WDR6: variants seen among roughly 807,000 people sequenced by gnomAD.
The protein encoded by WDR6 is WD repeat domain 6, also known as tRNA (34-2'-O)-methyltransferase regulator WDR6.
WDR6 carries 58 observed loss-of-function variants against 85.6 expected under a neutral mutation model. The observed-to-expected ratio is 0.68, with a 90% CI of 0.55 to 0.84. The LOEUF (loss-of-function observed/expected upper bound fraction) is 0.84, where lower values mean the gene tolerates loss of function less well. Ranked by LOEUF, WDR6 falls within the 40% of genes least tolerant of loss-of-function variation. WDR6 has a pLI of 0.00. For synonymous variants in WDR6, 569 were observed against 582.2 expected, an observed-to-expected ratio of 0.98 and a Z score of 0.33; for missense variants, 1,310 against 1,476.4, an observed-to-expected ratio of 0.89 and a Z score of 1.85.
In WDR6 at chr3:49,013,066, G is replaced by A. The variant is rs142520902; in HGVS notation, c.1532G>A (p.Arg511His). The change falls in exon 2 of 6, where the codon CGC becomes CAC. Residue 511 changes from arginine to histidine, a missense_variant. Transcript: ENST00000608424. This position sits in a 1 kb window ranked among gnomAD's most constrained non-coding sequence, Gnocchi z 4.6. ...GGTGACTTCCTGGTGTGTGGTGACC[G>A]CCGGGGCTCTGTGCTGCTATTCCCC... ...PPGDFLVCGDRRGSVLLFPSR... is the reference protein window; with the variant it reads ...PPGDFLVCGDHRGSVLLFPSR... The A allele has an allele frequency of 1.2e-3, 1,861 of 1,611,228 alleles. 9 individuals are homozygous for A. Among genetic ancestry groups the A allele is most frequent in the Middle Eastern group, 8.1e-3 (49 of 6,050 alleles).
In WDR6 at chr3:49,015,244, G is replaced by T; in HGVS notation, c.3322G>T (p.Ala1108Ser). 6.2e-7 allele frequency: 1 copy of T among 1,613,096 alleles called. No individual in the cohort carries two copies. The change falls in exon 6 of 6, where the codon GCC becomes TCC. Residue 1108 changes from alanine (A) to serine (S), a missense_variant. Transcript: ENST00000608424. The part of the protein sequence containing the change: ...PVSPEFGHRC[A>S]LGGQGLEVYN... ...GAGCCCTGAGTTTGGCCACCGTTGT[G>T]CCCTTGGGGGTCAGGGGCTTGAGGT...
Position 49,015,242 on chromosome 3 carries a change from G to C in WDR6, c.3320G>C (p.Cys1107Ser). Reference protein sequence around the residue: ...WPVSPEFGHRCALGGQGLEVY... With the variant: ...WPVSPEFGHRSALGGQGLEVY... Reference sequence around the variant, plus strand: ...GTGAGCCCTGAGTTTGGCCACCGTTGTGCCCTTGGGGGTCAGGGGCTTGAG... The same window carrying C: ...GTGAGCCCTGAGTTTGGCCACCGTTCTGCCCTTGGGGGTCAGGGGCTTGAG... The change falls in exon 6 of 6, where the codon TGT becomes TCT. Residue 1107 changes from cysteine to serine, a missense_variant. Transcript: ENST00000608424. 1 of 1,613,218 alleles carries C rather than the reference G, an allele frequency of 6.2e-7. No homozygotes were observed. Among genetic ancestry groups the C allele is most frequent in the South Asian group, 1.1e-5 (1 of 91,086 alleles).
chr3:49,014,411 AT>A lies in WDR6; in HGVS notation c.2697del (p.Leu900CysfsTer51). On this transcript the variant is annotated frameshift_variant, in exon 4 of 6. Transcript: ENST00000608424. LOFTEE classifies it high-confidence loss of function. This position sits in a 1 kb window ranked among gnomAD's most constrained non-coding sequence, Gnocchi z 4.9. The part of the protein sequence containing the change: ...RLFLLQDSGR[I>X]LQLLAETFHH... ...CTTTCTTTTGCAGGATTCTGGGCGG[AT>A]TCTGCAGCTCCTTGCTGAAACCTTC... The A allele has an allele frequency of 6.2e-7, 1 of 1,613,988 alleles. No individual in the cohort carries two copies.
rs1275031356 is a variant in WDR6 at position 49,014,475 on chromosome 3, C to T, written c.2759C>T (p.Thr920Ile). Reference sequence around the variant, plus strand: ...TGTGTCCTCAAGGTCCACTCCTTTACACACGAGGCACCCAACCAGAGGCGG... The same window carrying T: ...TGTGTCCTCAAGGTCCACTCCTTTATACACGAGGCACCCAACCAGAGGCGG... ...KRCVLKVHSFTHEAPNQRRRL... is the reference protein window; with the variant it reads ...KRCVLKVHSFIHEAPNQRRRL... The change falls in exon 4 of 6, where the codon ACA (threonine) becomes ATA (isoleucine). Residue 920 changes from threonine to isoleucine, a missense_variant. By Grantham distance (89) the Thr-to-Ile change is moderately conservative. Coordinates refer to ENST00000608424, the MANE Select transcript of WDR6 (RefSeq NM_018031.6). The surrounding 1 kb of genome is among the most constrained non-coding windows in gnomAD (Gnocchi z 4.9). 3 of 1,614,138 alleles carry T rather than the reference C, an allele frequency of 1.9e-6. No individual in the cohort carries two copies.
At position 49,014,364 on chromosome 3, in the gene WDR6, G is replaced by A; in HGVS notation, c.2667-19G>A. 1.2e-6 allele frequency: 2 copies of A among 1,614,064 alleles called. No homozygotes were observed. The highest frequency in any genetic ancestry group is 4.5e-5 in the East Asian group (2 of 44,880). ...TTGTCTAGGATGCGTTCTGAGCTGG[G>A]CCACCCCCCGCCCCCCAGGCTCTTT... On this transcript the variant is annotated intron_variant, in intron 3 of 5. Coordinates refer to ENST00000608424, the MANE Select transcript of WDR6 (RefSeq NM_018031.6). The surrounding 1 kb of genome is among the most constrained non-coding windows in gnomAD (Gnocchi z 4.9).
Position 49,013,577 on chromosome 3 carries a change from G to A in WDR6, c.2043G>A (p.Leu681=), listed in dbSNP as rs1230856413. Reference sequence around the variant, plus strand: ...ACCTCAAGGATGGGGATGTCATGCTGTACAGGGCTCTGGGTGGCTGCACCC... The same window carrying A: ...ACCTCAAGGATGGGGATGTCATGCTATACAGGGCTCTGGGTGGCTGCACCC... ...FAYLKDGDVM[L]YRALGGCTRP... is the part of the protein sequence containing the mutation. The change falls in exon 2 of 6, where the codon CTG becomes CTA. Residue 681 remains leucine (L), a synonymous_variant. Transcript: ENST00000608424. The surrounding 1 kb of genome is among the most constrained non-coding windows in gnomAD (Gnocchi z 4.6). 1.9e-6 allele frequency: 3 copies of A among 1,613,936 alleles called. No homozygotes were observed. In the East Asian group the frequency reaches 6.7e-5, roughly 36 times the overall value.
At chr3:49,010,755 CAGG>C (rs1316921257) in intron 1 of WDR6, among the ~76,000 whole-genome samples, 1 of 151,312 alleles carries the variant, frequency 6.6e-6, no homozygotes, top group Admixed American at 6.6e-5. Flanking sequence ...GAGGCTGAGG[CAGG>C]AGAATGGCCT....
At chr3:49,009,615 G>A (rs1247568881) in intron 1 of WDR6, among the ~76,000 whole-genome samples, 4 of 152,144 alleles carry the variant, frequency 2.6e-5, no homozygotes, top group African/African-American at 9.7e-5. Context: ...TCCAGCTATT[G>A]CTAGATGTCT....
rs145622772 is a variant in WDR6 at position 49,014,235 on chromosome 3, C to T, written c.2608C>T (p.Leu870Phe). Residue 870 changes from leucine to phenylalanine, a missense_variant, in exon 3 of 6, where the codon CTT (leucine) becomes TTT (phenylalanine). By Grantham distance (22) the Leu-to-Phe change is conservative. Transcript: ENST00000608424. This position sits in a 1 kb window ranked among gnomAD's most constrained non-coding sequence, Gnocchi z 4.9. Reference sequence around the variant, plus strand: ...GTACATGTCCCTTGCTGTGTGTGAACTTGACCAGCCCGGCCTTGGCCCCCT... The same window carrying T: ...GTACATGTCCCTTGCTGTGTGTGAATTTGACCAGCCCGGCCTTGGCCCCCT... The part of the protein sequence containing the change: ...TRYMSLAVCE[L>F]DQPGLGPLVA... The T allele has an allele frequency of 1.9e-6, 3 of 1,614,018 alleles. No individual in the cohort carries two copies. Among genetic ancestry groups the T allele is most frequent in the African/African-American group, 2.7e-5 (2 of 74,904 alleles).
Position 49,012,353 on chromosome 3 carries a change from T to A in WDR6, c.819T>A (p.Ser273Arg). ...QVKLLENYLI[S>R]AGEDCVCLVW... ...AGCTTCTAGAGAATTACCTTATCAGTGCAGGAGAGGATTGTGTCTGCTTGG... is the reference window on the plus strand; with the variant it reads ...AGCTTCTAGAGAATTACCTTATCAGAGCAGGAGAGGATTGTGTCTGCTTGG... The change falls in exon 2 of 6, where the codon AGT becomes AGA. Residue 273 changes from serine to arginine, a missense_variant. Physicochemically the swap from Ser to Arg is moderately radical, Grantham distance 110. Transcript: ENST00000608424. The surrounding 1 kb of genome is among the most constrained non-coding windows in gnomAD (Gnocchi z 4.4). The A allele has an allele frequency of 1.2e-6, 2 of 1,614,200 alleles. No individual in the cohort carries two copies. Among genetic ancestry groups the A allele is most frequent in the Non-Finnish European group, 1.7e-6 (2 of 1,180,044 alleles).
At chr3:49,011,487 A>G (rs774472095) in intron 1 of WDR6, 148 bp from the exon 2 acceptor site, 89 of 1,607,380 alleles carry the variant, frequency 5.5e-5, no homozygotes, top group Non-Finnish European at 7.4e-5. Context: ...GCCGAGACCA[A>G]GGATTTTCTA....
Position 49,009,265 on chromosome 3 carries a change from G to C in WDR6, c.100+1734G>C, listed in dbSNP as rs565229233. ...TGCCCATCTCAGGGCAATCATACAT[G>C]CTGTTTTCTCCACCAAGAAAGCTGC... On this transcript the variant is annotated intron_variant, in intron 1 of 5. Coordinates refer to ENST00000608424, the MANE Select transcript of WDR6 (RefSeq NM_018031.6). 2.0e-5 allele frequency among the ~76,000 whole-genome samples: 3 copies of C among 148,636 alleles called. No individual in the cohort carries two copies. The East Asian group carries it at 5.9e-4, about 29-fold the overall frequency.
At position 49,015,423 on chromosome 3, in the gene WDR6, G is replaced by A. The variant is rs1265642423; in HGVS notation, c.*135G>A. 21 of 1,404,080 alleles carry A rather than the reference G, an allele frequency of 1.5e-5. No homozygotes were observed. Among genetic ancestry groups the A allele is most frequent in the Non-Finnish European group, 2.0e-5 (20 of 1,023,922 alleles). 87.0% of individuals were successfully genotyped at this position (1,404,080 alleles called of 1,614,324 possible). On this transcript the variant is annotated 3_prime_UTR_variant, in exon 6 of 6. Coordinates refer to ENST00000608424, the MANE Select transcript of WDR6 (RefSeq NM_018031.6). The stretch of plus-strand genomic sequence containing the variant: ...GTGGCCGTGGGTTCCTGATGTCGGT[G>A]CAGGAGCTGAAGGTGAGTGGAGTGC...
In WDR6 at chr3:49,015,936, A is replaced by C. The variant is rs772724633; in HGVS notation, c.*648A>C. ...TCTTGTGCCCCAGGCCAGAATAAAG[A>C]ATAGAGTGTAGAGTGTCCTGGTTGT... On this transcript the variant is annotated 3_prime_UTR_variant, in exon 6 of 6. Transcript: ENST00000608424. 17 of 1,614,210 alleles carry C rather than the reference A, an allele frequency of 1.1e-5. No homozygotes were observed. The East Asian group carries it at 3.8e-4, about 36-fold the overall frequency.
rs775165571 is a variant in WDR6 at position 49,013,462 on chromosome 3, G to A, written c.1928G>A (p.Arg643Gln). 2.5e-5 allele frequency: 40 copies of A among 1,613,982 alleles called. No homozygotes were observed. Among genetic ancestry groups the A allele is most frequent in the Non-Finnish European group, 3.0e-5 (35 of 1,180,032 alleles). Residue 643 changes from arginine (R) to glutamine (Q), a missense_variant, in exon 2 of 6, where the codon CGG becomes CAG. By Grantham distance (43) the Arg-to-Gln change is conservative (BLOSUM62 1). Transcript: ENST00000608424. This position sits in a 1 kb window ranked among gnomAD's most constrained non-coding sequence, Gnocchi z 4.6. Reference protein sequence around the residue: ...HANEFVVWNPRSHEKLHIVNC... With the variant: ...HANEFVVWNPQSHEKLHIVNC... ...AATGAGTTTGTGGTGTGGAACCCTC[G>A]GTCACACGAGAAGCTGCACATCGTC...
Position 49,007,621 on chromosome 3 carries a change from TGAG to T in WDR6, c.100+94_100+96del, listed in dbSNP as rs142638175. ...TGCCACAGGGACAAAAGGGGTGCCC[TGAG>T]GAGAAGGACGGGCAGCAGGTTGAGG... On this transcript the variant is annotated intron_variant, in intron 1 of 5. Transcript: ENST00000608424. The surrounding 1 kb of genome is among the most constrained non-coding windows in gnomAD (Gnocchi z 5.1). 34 of 1,434,348 alleles carry T rather than the reference TGAG, an allele frequency of 2.4e-5. 1 individual carries two copies. Among genetic ancestry groups the T allele is most frequent in the Non-Finnish European group, 2.9e-5 (31 of 1,086,828 alleles). 88.9% of individuals were successfully genotyped at this position (1,434,348 alleles called of 1,614,324 possible).
chr3:49,014,676 T>G lies in WDR6; in HGVS notation c.2860T>G (p.Ser954Ala), dbSNP rs1182760942. The change falls in exon 5 of 6, where the codon TCC becomes GCC. Residue 954 changes from serine (S) to alanine (A), a missense_variant. Ser to Ala is a moderately conservative substitution (Grantham distance 99). Coordinates refer to ENST00000608424, the MANE Select transcript of WDR6 (RefSeq NM_018031.6). The surrounding 1 kb of genome is among the most constrained non-coding windows in gnomAD (Gnocchi z 4.9). Reference protein sequence around the residue: ...WDLTTMLDHDSTVLEPPVDPG... With the variant: ...WDLTTMLDHDATVLEPPVDPG... ...TCTCACCACCATGCTAGACCATGACTCCACTGTCCTGGAGCCTCCAGTGGA... is the reference window on the plus strand; with the variant it reads ...TCTCACCACCATGCTAGACCATGACGCCACTGTCCTGGAGCCTCCAGTGGA... 6 of 1,613,530 alleles carry G rather than the reference T, an allele frequency of 3.7e-6. No individual in the cohort carries two copies. The highest frequency in any genetic ancestry group is 5.1e-6 in the Non-Finnish European group (6 of 1,179,996).
rs926887271 is a variant in WDR6 at position 49,015,289 on chromosome 3, G to A, written c.*1G>A. 1.3e-5 allele frequency: 21 copies of A among 1,606,906 alleles called. No individual in the cohort carries two copies. The highest frequency in any genetic ancestry group is 3.3e-5 in the South Asian group (3 of 91,066). The stretch of plus-strand genomic sequence containing the variant: ...TGAGGTTTACAACTGGTATGACTGA[G>A]GTATCCTGCGGTGGCTGGCGTGCTG... On this transcript the variant is annotated 3_prime_UTR_variant, in exon 6 of 6. Transcript: ENST00000608424.
In WDR6 at chr3:49,011,665, T is replaced by G; in HGVS notation, c.131T>G (p.Leu44Trp). ...GGTCCCGATGTCCTGGTGTACAGCT[T>G]GGACTTTGGTGGGCATCTGCGGATG... ...GEGPDVLVYS[L>W]DFGGHLRMIK... The change falls in exon 2 of 6, where the codon TTG becomes TGG. Residue 44 changes from leucine to tryptophan, a missense_variant. Transcript: ENST00000608424. The G allele has an allele frequency of 6.2e-7, 1 of 1,614,132 alleles. No individual in the cohort carries two copies. The highest frequency in any genetic ancestry group is 8.5e-7 in the Non-Finnish European group (1 of 1,180,024).
Sources: allele counts gnomAD v4.1 joint callset (sites outside exome capture counted in the v4.1 genomes callset), GRCh38; gene constraint gnomAD v4.1.1; non-coding constraint Gnocchi (gnomAD v3.1); transcripts MANE v1.5; gene names NCBI Gene and HGNC (gene_info 2026-07-23, HGNC 2026-07-21).